MED13L: variants seen among roughly 807,000 people sequenced by gnomAD.
MED13L encodes the protein mediator complex subunit 13L.
In MED13L, 7 loss-of-function variants were observed where a neutral mutation model predicts 220.9. That is an observed-to-expected ratio of 0.03 (90% CI 0.02 to 0.06). The LOEUF (loss-of-function observed/expected upper bound fraction) is 0.06. Ranked by LOEUF, MED13L falls within the 10% of genes least tolerant of loss-of-function variation. The pLI is 1.00. For missense variants in MED13L, 1,965 were observed against 2,760.5 expected (o/e 0.71, Z 6.46); for synonymous variants, 1,011 against 1,015.2 (o/e 1.00, Z 0.08).
intron 1 of MED13L, among the ~76,000 whole-genome samples, chr12:116,270,236 G>C (rs536516810): frequency 1.1e-4 from 16 of 151,984 alleles, no homozygotes; most frequent in African/African-American, 3.9e-4. Flanking sequence ...CTGCCTCCTG[G>C]AATCAAGCGA....
At chr12:116,236,404 G>A (rs1870084766) in intron 2 of MED13L, among the ~76,000 whole-genome samples, 1 of 151,938 alleles carries the variant, frequency 6.6e-6, no homozygotes, top group African/African-American at 2.4e-5. Flanking sequence ...AGAAAAACTA[G>A]CAAGGTGTCA....
chr12:116,154,118 G>A (rs1368966210), intron 2 of MED13L, among the ~76,000 whole-genome samples: 1 of 152,162 alleles, frequency 6.6e-6, no homozygotes, highest in African/African-American at 2.4e-5. Context: ...ATTTCCATGT[G>A]TTAACTCATG....
chr12:116,240,196 A>G (rs997731838), intron 1 of MED13L, among the ~76,000 whole-genome samples: 1 of 151,804 alleles, frequency 6.6e-6, no homozygotes, highest in African/African-American at 2.4e-5. Context: ...TCCCAGGTTC[A>G]GGCAATTCTC....
intron 14 of MED13L, among the ~76,000 whole-genome samples, chr12:115,999,403 AG>A (rs1878606136): frequency 6.6e-6 from 1 of 152,076 alleles, no homozygotes; most frequent in African/African-American, 2.4e-5. Flanking sequence ...AAAAAAAAAA[AG>A]TTCATCTACG....
At chr12:116,223,470 G>A (rs1310674878) in intron 2 of MED13L, among the ~76,000 whole-genome samples, 1 of 152,132 alleles carries the variant, frequency 6.6e-6, no homozygotes, top group Non-Finnish European at 1.5e-5. Context: ...CACTTTGGGA[G>A]GCCGGGTTAG....
At chr12:116,258,299 A>C (rs1872220648) in intron 1 of MED13L, among the ~76,000 whole-genome samples, 1 of 152,230 alleles carries the variant, frequency 6.6e-6, no homozygotes, top group Admixed American at 6.5e-5. Flanking sequence ...AAAAATGAGA[A>C]TAGTAGACTC....
chr12:116,077,403 A>G (rs190293219), intron 4 of MED13L, among the ~76,000 whole-genome samples: 15 of 152,332 alleles, frequency 9.8e-5, no homozygotes, highest in African/African-American at 3.4e-4. Context: ...CAAAACAAAT[A>G]TATTAGGAAA....
chr12:116,253,936 T>C (rs1323985618), intron 1 of MED13L, among the ~76,000 whole-genome samples: 1 of 151,830 alleles, frequency 6.6e-6, no homozygotes, highest in Admixed American at 6.6e-5. Flanking sequence ...ATTTTTTGTA[T>C]TTTTAGTAGA....
chr12:116,110,075 T>C (rs1378223930), intron 3 of MED13L: 1 of 152,180 alleles, frequency 6.6e-6, no homozygotes, highest in Non-Finnish European at 1.5e-5. Context: ...GGAAGAGACG[T>C]AAAAAGTTTT....
chr12:116,037,326 C>CT (rs1881251499), intron 4 of MED13L, among the ~76,000 whole-genome samples: 1 of 152,162 alleles, frequency 6.6e-6, no homozygotes, highest in Non-Finnish European at 1.5e-5. Context: ...GCAGTCAAAA[C>CT]TTTGTTTTAT....
Position 116,170,538 on chromosome 12 carries a change from T to C in MED13L, c.311-59026A>G, listed in dbSNP as rs142843270. Among the ~76,000 whole-genome samples the C allele has an allele frequency of 5.4e-4, 82 of 151,600 alleles. No homozygotes were observed. The East Asian group carries it at 8.5e-3, about 16-fold the overall frequency. On this transcript the variant is annotated intron_variant, in intron 2 of 30. Transcript: ENST00000281928. ...CATGTATACCTGCCATTTTCTCTCATAGAACATTAAAAAGACATGTATTAA... is the reference window on the plus strand; with the variant it reads ...CATGTATACCTGCCATTTTCTCTCACAGAACATTAAAAAGACATGTATTAA...
intron 2 of MED13L, among the ~76,000 whole-genome samples, chr12:116,206,848 A>G (rs1404453192): frequency 1.3e-5 from 2 of 152,226 alleles, no homozygotes; most frequent in African/African-American, 4.8e-5. Context: ...TTGACTTTGG[A>G]ACTACACTTC....
intron 16 of MED13L, among the ~76,000 whole-genome samples, chr12:115,993,780 T>A (rs1878224588): frequency 6.6e-6 from 1 of 152,230 alleles, no homozygotes. Flanking sequence ...GAATGGTTTA[T>A]CTTGTAATCT....
intron 22 of MED13L, among the ~76,000 whole-genome samples, chr12:115,981,563 G>A (rs1437659986): frequency 1.3e-5 from 2 of 152,166 alleles, no homozygotes; most frequent in Non-Finnish European, 2.9e-5. Context: ...AAGGAAATAA[G>A]TGTAACCTCT....
intron 2 of MED13L, among the ~76,000 whole-genome samples, chr12:116,117,685 G>A (rs1874646267): frequency 6.6e-6 from 1 of 151,906 alleles, no homozygotes. Flanking sequence ...AAAAGTTTGA[G>A]TAATTAACAA....
At position 116,277,183 on chromosome 12, in the gene MED13L, C is replaced by G. The variant is rs751504670; in HGVS notation, c.-52G>C. ...GCGGGGCATGTCGGAGCGAGGCGTCCGAGGCGAGGCCGGGCCGGGCGGCGG... is the reference window on the plus strand; with the variant it reads ...GCGGGGCATGTCGGAGCGAGGCGTCGGAGGCGAGGCCGGGCCGGGCGGCGG... On this transcript the variant is annotated 5_prime_UTR_variant, in exon 1 of 31. Coordinates refer to ENST00000281928, the MANE Select transcript of MED13L (RefSeq NM_015335.5). 2 of 1,368,852 alleles carry G rather than the reference C, an allele frequency of 1.5e-6. No homozygotes were observed. The highest frequency in any genetic ancestry group is 1.9e-6 in the Non-Finnish European group (2 of 1,032,058). The allele number at this position is 1,368,852 out of a possible 1,614,324, so 84.8% of individuals were successfully genotyped here. A position where few individuals can be genotyped will look rare whatever the true frequency, so the allele number is the denominator to read the frequency against.
intron 23 of MED13L, among the ~76,000 whole-genome samples, chr12:115,978,853 A>G (rs986140406): frequency 3.9e-5 from 6 of 152,216 alleles, no homozygotes; most frequent in South Asian, 2.1e-4. Flanking sequence ...AAAACAAAAG[A>G]TAACAGCAAT....
chr12:116,238,869 G>C (rs538058892), intron 1 of MED13L, among the ~76,000 whole-genome samples: 1 of 152,268 alleles, frequency 6.6e-6, no homozygotes, highest in South Asian at 2.1e-4. Flanking sequence ...GGCCTAGGCG[G>C]GCAGATCATG....
chr12:115,976,908 C>T (rs543391114), intron 23 of MED13L, among the ~76,000 whole-genome samples: 30 of 152,266 alleles, frequency 2.0e-4, no homozygotes, highest in African/African-American at 7.2e-4. Flanking sequence ...TGCCTGTAAT[C>T]CCAACACTTT....
Sources: allele counts gnomAD v4.1 joint callset (sites outside exome capture counted in the v4.1 genomes callset), GRCh38; gene constraint gnomAD v4.1.1; transcripts MANE v1.5; gene names NCBI Gene and HGNC (gene_info 2026-07-23, HGNC 2026-07-21).